Variants in KIAA1328 observed in about 807,000 individuals in gnomAD.
KIAA1328 encodes KIAA1328.
A neutral mutation model predicts 68.1 loss-of-function variants in KIAA1328; 52 were observed. The observed-to-expected ratio is 0.76, with a 90% CI of 0.61 to 0.96. KIAA1328 has a LOEUF of 0.96. KIAA1328 is among the 40% of genes least tolerant of loss of function. The pLI, the probability that KIAA1328 is intolerant of heterozygous loss-of-function variation, is 0.00. For missense variants in KIAA1328, 641 were observed against 677.6 expected (o/e 0.95, Z 0.60); for synonymous variants, 232 against 239.4 (o/e 0.97, Z 0.28).
intron 9 of KIAA1328, among the ~76,000 whole-genome samples, chr18:37,196,193 G>A (rs1212958346): frequency 2.0e-5 from 3 of 152,056 alleles, no homozygotes; most frequent in Admixed American, 1.3e-4. Context: ...TTTTGGTGAC[G>A]TCTCTGGGTT....
chr18:37,032,197 T>C (rs1019656225), intron 6 of KIAA1328, among the ~76,000 whole-genome samples: 3 of 152,070 alleles, frequency 2.0e-5, no homozygotes, highest in Non-Finnish European at 1.5e-5. Context: ...AAAAGTCTAC[T>C]TTCAAGTAAT....
intron 9 of KIAA1328, among the ~76,000 whole-genome samples, chr18:37,211,907 T>G (rs1251726672): frequency 6.6e-6 from 1 of 152,238 alleles, no homozygotes; most frequent in Non-Finnish European, 1.5e-5. Flanking sequence ...CTGATATATT[T>G]ACTGTTTCCC....
At chr18:36,829,541 T>A in intron 1 of KIAA1328, 1 of 853,124 alleles carries the variant, frequency 1.2e-6, no homozygotes, top group Non-Finnish European at 1.5e-6. Context: ...CCAGGCTGAC[T>A]TGAGTGTGCG....
At chr18:37,090,554 C>A (rs2057238272) in intron 7 of KIAA1328, among the ~76,000 whole-genome samples, 2 of 152,250 alleles carry the variant, frequency 1.3e-5, no homozygotes, top group East Asian at 3.9e-4. Flanking sequence ...AATTCATTGT[C>A]TTTACTTCTT....
intron 5 of KIAA1328, among the ~76,000 whole-genome samples, chr18:36,899,490 A>T (rs181763757): frequency 6.6e-6 from 1 of 151,832 alleles, no homozygotes; most frequent in Non-Finnish European, 1.5e-5. Flanking sequence ...CCACCTGGTG[A>T]TAGTATATCT....
At chr18:36,835,433 C>A in intron 3 of KIAA1328, 57 bp downstream of exon 3, 1 of 1,489,638 alleles carries the variant, frequency 6.7e-7, no homozygotes, top group Non-Finnish European at 9.1e-7. Flanking sequence ...TGAGTGCTGA[C>A]CAAAAAGGGT....
chr18:37,088,798 A>G (rs193279166), intron 7 of KIAA1328, among the ~76,000 whole-genome samples: 57 of 152,172 alleles, frequency 3.7e-4, no homozygotes, highest in Non-Finnish European at 4.3e-4. Context: ...AACCACCTTA[A>G]AAATTTTTAA....
chr18:36,853,656 A>AT (rs918243694), intron 4 of KIAA1328, among the ~76,000 whole-genome samples: 5 of 150,918 alleles, frequency 3.3e-5, no homozygotes, highest in African/African-American at 1.2e-4. Flanking sequence ...GCTTTTTTTT[A>AT]TTTTTTTTAT....
chr18:36,976,009 C>A (rs2052458059), intron 6 of KIAA1328, among the ~76,000 whole-genome samples: 1 of 152,146 alleles, frequency 6.6e-6, no homozygotes, highest in South Asian at 2.1e-4. Context: ...ACATAGAAAT[C>A]AATTGCAATC....
At chr18:36,954,084 G>A (rs2051296536) in intron 5 of KIAA1328, among the ~76,000 whole-genome samples, 1 of 147,226 alleles carries the variant, frequency 6.8e-6, no homozygotes, top group African/African-American at 2.5e-5. Context: ...CTCACTGCAA[G>A]CTCTGCTTCC....
intron 4 of KIAA1328, among the ~76,000 whole-genome samples, chr18:36,878,283 A>G (rs549634525): frequency 1.3e-5 from 2 of 152,196 alleles, no homozygotes; most frequent in South Asian, 4.1e-4. Context: ...TTGCGTATGA[A>G]GCTTAGTTTG....
chr18:36,911,317 T>A (rs2049438076), intron 5 of KIAA1328, among the ~76,000 whole-genome samples: 2 of 152,168 alleles, frequency 1.3e-5, no homozygotes, highest in South Asian at 2.1e-4. Context: ...ATGAGAATAC[T>A]CTAATTAGGA....
At chr18:36,998,294 A>G (rs2053468584) in intron 6 of KIAA1328, among the ~76,000 whole-genome samples, 1 of 152,136 alleles carries the variant, frequency 6.6e-6, no homozygotes, top group Non-Finnish European at 1.5e-5. Flanking sequence ...TATAAGCGCC[A>G]CTTGTGGGCC....
At chr18:37,075,309 C>T (rs1435840901) in intron 7 of KIAA1328, 4 of 152,272 alleles carry the variant, frequency 2.6e-5, no homozygotes, top group Non-Finnish European at 5.9e-5. Context: ...ACCAGACTTG[C>T]CCTAAAAGAG....
At chr18:37,055,624 A>G (rs2055877514) in intron 6 of KIAA1328, among the ~76,000 whole-genome samples, 1 of 152,220 alleles carries the variant, frequency 6.6e-6, no homozygotes, top group African/African-American at 2.4e-5. Flanking sequence ...AGTGTTAAAA[A>G]TGCATCATGT....
chr18:37,200,141 C>T (rs544396478), intron 9 of KIAA1328, among the ~76,000 whole-genome samples: 1 of 152,152 alleles, frequency 6.6e-6, no homozygotes, highest in African/African-American at 2.4e-5. Context: ...GCACAACATA[C>T]AATTTGAAGA....
intron 3 of KIAA1328, among the ~76,000 whole-genome samples, chr18:36,840,971 T>C (rs2046840448): frequency 6.6e-6 from 1 of 152,156 alleles, no homozygotes; most frequent in Admixed American, 6.5e-5. Flanking sequence ...GTCTGGCACC[T>C]GTGACAGGAG....
At chr18:37,092,825 C>G (rs985541085) in intron 7 of KIAA1328, among the ~76,000 whole-genome samples, 1 of 152,212 alleles carries the variant, frequency 6.6e-6, no homozygotes, top group African/African-American at 2.4e-5. Flanking sequence ...AAGGACCTGT[C>G]TGCCTGCCCA....
At chr18:37,116,773 C>G (rs1241208980) in intron 7 of KIAA1328, among the ~76,000 whole-genome samples, 1 of 152,006 alleles carries the variant, frequency 6.6e-6, no homozygotes. Context: ...CTGACAAAGG[C>G]CTAATATCTA....
Sources: gnomAD v4.1 joint callset for allele counts (sites outside exome capture counted in the v4.1 genomes callset) on GRCh38, gnomAD v4.1.1 for gene constraint, MANE v1.5 for transcripts, NCBI Gene and HGNC (gene_info 2026-07-23, HGNC 2026-07-21) for gene names.